The following MITF variants were observed in gnomAD, a reference collection of about 807,000 sequenced individuals.
MITF encodes the protein microphthalmia-associated transcription factor.
Under a neutral mutation model 60.5 loss-of-function variants are expected in MITF, and 17 were observed. The ratio of observed to expected loss-of-function variants is 0.28; its 90% confidence interval spans 0.19 to 0.42. The LOEUF (loss-of-function observed/expected upper bound fraction) is 0.42, where lower values mean the gene tolerates loss of function less well. Among genes scored for constraint, MITF ranks in the 10% least tolerant of loss-of-function variants. MITF has a pLI of 1.00. For synonymous variants in MITF, 260 were observed against 248.5 expected (o/e 1.05, Z -0.43); for missense variants, 622 against 683.5 (o/e 0.91, Z 1.00).
At chr3:69,785,284 A>C (rs2062630069) in intron 1 of MITF, among the ~76,000 whole-genome samples, 1 of 152,178 alleles carries the variant, frequency 6.6e-6, no homozygotes, top group African/African-American at 2.4e-5. Context: ...CAGCAGCAGC[A>C]GCAGCAGCAG....
chr3:69,755,443 T>G lies in MITF; in HGVS notation c.104+15742T>G, dbSNP rs1391134279. Among the ~76,000 whole-genome samples, 16 of 65,796 alleles carry G rather than the reference T, an allele frequency of 2.4e-4. 2 individuals are homozygous for G. The highest frequency in any genetic ancestry group is 4.9e-4 in the Non-Finnish European group (12 of 24,264). 43.2% of individuals were successfully genotyped at this position (65,796 alleles called of 152,430 possible). ...CTTTTACCCTTCTGGGTTTTTTTTT[T>G]TTTTTTTTTTTTTTTTTTTTTTTTT... On this transcript the variant is annotated intron_variant, in intron 1 of 9. Coordinates refer to ENST00000352241, the MANE Select transcript of MITF (RefSeq NM_001354604.2).
intron 2 of MITF, among the ~76,000 whole-genome samples, chr3:69,916,079 G>A (rs1031444220): frequency 6.6e-6 from 1 of 152,098 alleles, no homozygotes; most frequent in African/African-American, 2.4e-5. Context: ...ATATTCCATT[G>A]TTCTGATACA....
chr3:69,952,392 C>T (rs956405692), intron 7 of MITF, among the ~76,000 whole-genome samples: 9 of 152,230 alleles, frequency 5.9e-5, no homozygotes, highest in African/African-American at 1.9e-4. Flanking sequence ...ATATTTTTTA[C>T]GTGTTTAATT....
At chr3:69,933,755 T>C (rs1046657611) in intron 2 of MITF, among the ~76,000 whole-genome samples, 2 of 152,188 alleles carry the variant, frequency 1.3e-5, no homozygotes, top group Non-Finnish European at 2.9e-5. Flanking sequence ...TGGTTAGTCA[T>C]CTGGAAAGTC....
intron 2 of MITF, among the ~76,000 whole-genome samples, chr3:69,880,483 T>A (rs1442816517): frequency 6.6e-6 from 1 of 152,108 alleles, no homozygotes; most frequent in Non-Finnish European, 1.5e-5. Flanking sequence ...TGAAATTGGG[T>A]TAGGGAAAAA....
chr3:69,958,503 C>T (rs923223362), intron 8 of MITF, among the ~76,000 whole-genome samples: 89 of 151,890 alleles, frequency 5.9e-4, no homozygotes, highest in African/African-American at 2.1e-3. Context: ...TTCACCGGTT[C>T]CACCTGATAC....
intron 2 of MITF, 64 bp downstream of exon 2, chr3:69,879,447 T>C: frequency 6.2e-7 from 1 of 1,608,626 alleles, no homozygotes; most frequent in Non-Finnish European, 8.5e-7. Context: ...TGCTAGGTGT[T>C]TTGTTTATCT....
At position 69,785,236 on chromosome 3, in the gene MITF, G is replaced by A. The variant is rs537027692; in HGVS notation, c.104+45535G>A. On this transcript the variant is annotated intron_variant, in intron 1 of 9. Coordinates refer to ENST00000352241, the MANE Select transcript of MITF (RefSeq NM_001354604.2). ...CAAGCTGAGTGGAGCAGTGAGTCAC[G>A]GCGTGCTGCGGCAGTGGTGTCCTGA... Among the ~76,000 whole-genome samples the A allele has an allele frequency of 1.8e-4, 28 of 151,730 alleles. No individual in the cohort carries two copies. In the South Asian group the frequency reaches 2.3e-3, roughly 12 times the overall value.
intron 2 of MITF, among the ~76,000 whole-genome samples, chr3:69,920,239 G>A (rs1249325385): frequency 2.0e-5 from 3 of 152,020 alleles, no homozygotes; most frequent in Non-Finnish European, 4.4e-5. Flanking sequence ...GTTGCCAGGC[G>A]GACCCGTGGT....
intron 1 of MITF, among the ~76,000 whole-genome samples, chr3:69,874,331 C>T (rs1488031326): frequency 6.6e-6 from 1 of 152,202 alleles, no homozygotes; most frequent in African/African-American, 2.4e-5. Context: ...GACATATCTT[C>T]TGTGGTCCAA....
chr3:69,762,157 G>C (rs1212163347), intron 1 of MITF, among the ~76,000 whole-genome samples: 1 of 152,158 alleles, frequency 6.6e-6, no homozygotes, highest in Non-Finnish European at 1.5e-5. Flanking sequence ...TCAGTGCAAA[G>C]TATTGAGTTA....
intron 1 of MITF, among the ~76,000 whole-genome samples, chr3:69,778,327 T>A (rs1341756847): frequency 6.6e-6 from 1 of 152,192 alleles, no homozygotes; most frequent in Non-Finnish European, 1.5e-5. Context: ...GTATAGTCAT[T>A]TGACTGTTTT....
intron 4 of MITF, among the ~76,000 whole-genome samples, chr3:69,940,148 A>G (rs1344612778): frequency 6.6e-6 from 1 of 152,192 alleles, no homozygotes; most frequent in Admixed American, 6.5e-5. Flanking sequence ...AAATATTATG[A>G]ACCCCCATTT....
At chr3:69,945,831 C>T (rs377461043) in intron 5 of MITF, among the ~76,000 whole-genome samples, 5 of 152,228 alleles carry the variant, frequency 3.3e-5, no homozygotes, top group East Asian at 1.9e-4. Flanking sequence ...GATATTGATC[C>T]GGGGAAACAA....
chr3:69,951,166 C>T (rs997496778), intron 6 of MITF, among the ~76,000 whole-genome samples: 27 of 146,974 alleles, frequency 1.8e-4, no homozygotes, highest in African/African-American at 6.8e-4. Flanking sequence ...GGTGTGATCA[C>T]GGCTCACTAC....
chr3:69,844,613 T>C (rs978688241), intron 1 of MITF, among the ~76,000 whole-genome samples: 13 of 152,054 alleles, frequency 8.5e-5, no homozygotes, highest in African/African-American at 3.1e-4. Context: ...AAAGCTGAAA[T>C]TGACAAATGG....
chr3:69,919,166 G>T (rs9874322), intron 2 of MITF, among the ~76,000 whole-genome samples: 2,430 of 152,256 alleles, frequency 0.016, 68 homozygotes, highest in African/African-American at 0.054. Flanking sequence ...TTTCCAAAGT[G>T]TTAATTAAAT....
chr3:69,797,620 C>T (rs1015713004), intron 1 of MITF, among the ~76,000 whole-genome samples: 1 of 152,142 alleles, frequency 6.6e-6, no homozygotes, highest in African/African-American at 2.4e-5. Flanking sequence ...ATATTGTCCT[C>T]TTTGGTTGAA....
intron 1 of MITF, among the ~76,000 whole-genome samples, chr3:69,751,607 T>A (rs1703942602): frequency 6.6e-6 from 1 of 150,528 alleles, no homozygotes; most frequent in Non-Finnish European, 1.5e-5. Context: ...AAAGCGCTGA[T>A]CTGTTCTTGT....
Sources: allele counts gnomAD v4.1 joint callset (sites outside exome capture counted in the v4.1 genomes callset), GRCh38; gene constraint gnomAD v4.1.1; transcripts MANE v1.5; gene names NCBI Gene and HGNC (gene_info 2026-07-23, HGNC 2026-07-21).